Variants in NEB observed in about 807,000 individuals in gnomAD.
NEB encodes nebulin, also known as nemaline myopathy type 2.
In NEB, 512 loss-of-function variants were observed where a neutral mutation model predicts 952.2. That is an observed-to-expected ratio of 0.54 (90% CI 0.50 to 0.58). The LOEUF is 0.58. Among genes scored for constraint, NEB ranks in the 20% least tolerant of loss-of-function variants. The pLI, the probability that NEB is intolerant of heterozygous loss-of-function variation, is 0.00. For missense variants in NEB, 8,428 were observed against 9,231.1 expected (o/e 0.91, Z 3.56); for synonymous variants, 2,900 against 3,149.8 (o/e 0.92, Z 2.66).
At chr2:151,538,490 T>A (rs2093570958) in intron 138 of NEB, among the ~76,000 whole-genome samples, 1 of 152,200 alleles carries the variant, frequency 6.6e-6, no homozygotes, top group Non-Finnish European at 1.5e-5. Flanking sequence ...ATGGCAAATC[T>A]ACGATGGTGA....
intron 130 of NEB, 148 bp from the exon 131 acceptor site, chr2:151,548,563 A>C (rs2094990324): frequency 5.0e-6 from 3 of 599,076 alleles, no homozygotes; most frequent in Non-Finnish European, 8.8e-6. Flanking sequence ...ACAAAATTTC[A>C]ATATTAATCC....
chr2:151,575,778 C>A lies in NEB; in HGVS notation c.16930G>T (p.Asp5644Tyr). The A allele has an allele frequency of 1.2e-6, 2 of 1,606,536 alleles. No homozygotes were observed. Among genetic ancestry groups the A allele is most frequent in the Non-Finnish European group, 1.7e-6 (2 of 1,173,096 alleles). The change falls in exon 107 of 182, where the codon GAC (aspartate) becomes TAC (tyrosine). Residue 5644 changes from aspartate (D) to tyrosine (Y), a missense_variant. Around this residue, in one of 11 missense-constraint regions of NEB, gnomAD observed 3,374 missense variants for 3,651.5 expected, o/e 0.92. Coordinates refer to ENST00000397345, the MANE Select transcript of NEB (RefSeq NM_001164508.2). ...ATGTGTATTGAAGTTTTATCCTTGT[C>A]CCAAACCTCTCTGTACTTTGGCTGT... ...ISIPKYREVW[D>Y]KDKTSIHIMP... is the part of the protein sequence containing the mutation.
intron 138 of NEB, among the ~76,000 whole-genome samples, chr2:151,539,455 C>T (rs10187997): frequency 0.65 from 98,398 of 151,948 alleles, 32,149 homozygotes; most frequent in East Asian, 0.78. Context: ...TCTTTTCTGC[C>T]TCGGGCTTAC....
chr2:151,682,168 AC>A (rs2099418820), intron 29 of NEB, among the ~76,000 whole-genome samples: 4 of 152,208 alleles, frequency 2.6e-5, no homozygotes, highest in Admixed American at 2.6e-4. Flanking sequence ...AACTTTAGAG[AC>A]AGAATGCAAA....
In NEB at chr2:151,658,023, G is replaced by A. The variant is rs2099105332; in HGVS notation, c.6143C>T (p.Pro2048Leu). 6.2e-7 allele frequency: 1 copy of A among 1,611,282 alleles called. No individual in the cohort carries two copies. The highest frequency in any genetic ancestry group is 8.5e-7 in the Non-Finnish European group (1 of 1,178,444). ...TCTGGAAGCCTTGGCAGCTTTGATA[G>A]GAATTGCATCAGGTCTGAGATCATA... is the stretch of plus-strand genomic sequence containing the variant. The part of the protein sequence containing the change: ...KGYDLRPDAI[P>L]IKAAKASRDI... The change falls in exon 48 of 182, where the codon CCT becomes CTT. Residue 2048 changes from proline to leucine, a missense_variant. Pro to Leu is a moderately conservative substitution (Grantham distance 98). Transcript: ENST00000397345.
chr2:151,674,606 A>G lies in NEB; in HGVS notation c.3880-22T>C, dbSNP rs1305487961. On this transcript the variant is annotated intron_variant, in intron 35 of 181. Coordinates refer to ENST00000397345, the MANE Select transcript of NEB (RefSeq NM_001164508.2). The stretch of plus-strand genomic sequence containing the variant: ...AGACCTGGACAGAAAAGCAAACAGA[A>G]TGTCAGCATCTGTAAGTGATTCCTC... The G allele has an allele frequency of 2.0e-6, 3 of 1,521,904 alleles. No individual in the cohort carries two copies. The Admixed American group carries it at 5.0e-5, about 26-fold the overall frequency. 94.3% of individuals were successfully genotyped at this position (1,521,904 alleles called of 1,614,324 possible).
At chr2:151,719,046 A>G (rs1361666017) in intron 9 of NEB, among the ~76,000 whole-genome samples, 2 of 151,622 alleles carry the variant, frequency 1.3e-5, no homozygotes, top group Non-Finnish European at 2.9e-5. Context: ...GCCTTCCCTG[A>G]CTCCTGAGCC....
At chr2:151,490,613 G>A in intron 179 of NEB, 95 bp from the exon 180 acceptor site, 2 of 1,439,418 alleles carry the variant, frequency 1.4e-6, no homozygotes, top group Non-Finnish European at 9.5e-7. Flanking sequence ...TGTTATCTTT[G>A]CCAAGCATGG....
Position 151,490,475 on chromosome 2 carries a change from A to G in NEB, c.25194T>C (p.Ser8398=), listed in dbSNP as rs1295808591. The change falls in exon 180 of 182, where the codon AGT becomes AGC. Residue 8398 remains serine (S), a synonymous_variant. Transcript: ENST00000397345. ...RRSREQSRSA[S]ALSISGGEEK... is the part of the protein sequence containing the mutation. ...CCTCACCCCCACTGATGCTTAGTGC[A>G]CTGGCAGATCGTGACTGCTCCCGGC... 5.0e-6 allele frequency: 8 copies of G among 1,609,064 alleles called. No homozygotes were observed. Among genetic ancestry groups the G allele is most frequent in the Non-Finnish European group, 6.8e-6 (8 of 1,177,920 alleles).
intron 129 of NEB, among the ~76,000 whole-genome samples, chr2:151,550,810 T>C (rs1032079447): frequency 6.6e-6 from 1 of 151,754 alleles, no homozygotes; most frequent in African/African-American, 2.4e-5. Flanking sequence ...GGCTAATTTA[T>C]TTATTTTTGT....
intron 136 of NEB, 129 bp from the exon 137 acceptor site, chr2:151,540,930 C>A: frequency 1.3e-6 from 1 of 778,898 alleles, no homozygotes; most frequent in South Asian, 1.6e-5. Flanking sequence ...TGTTTGTTTG[C>A]TTGTTTTTTT....
At chr2:151,642,309 T>C (rs2098878200) in intron 60 of NEB, among the ~76,000 whole-genome samples, 1 of 152,214 alleles carries the variant, frequency 6.6e-6, no homozygotes, top group East Asian at 1.9e-4. Context: ...AAAAAAATTA[T>C]CTGAACTATA....
intron 161 of NEB, among the ~76,000 whole-genome samples, chr2:151,509,902 C>T (rs759298647): frequency 3.0e-4 from 45 of 152,146 alleles, no homozygotes; most frequent in African/African-American, 2.4e-4. Flanking sequence ...GCCACTGCGC[C>T]CGACCAAGAG....
chr2:151,661,010 G>A (rs949600115), intron 46 of NEB, among the ~76,000 whole-genome samples: 1 of 152,178 alleles, frequency 6.6e-6, no homozygotes, highest in Non-Finnish European at 1.5e-5. Context: ...AATGCTAGTG[G>A]AAAGAGTGGT....
intron 133 of NEB, 28 bp from the exon 134 acceptor site, chr2:151,546,471 G>T: frequency 7.0e-7 from 1 of 1,430,172 alleles, no homozygotes; most frequent in Non-Finnish European, 9.9e-7. Context: ...AAATATAGCT[G>T]GTCATAAGCA....
At position 151,518,301 on chromosome 2, in the gene NEB, G is replaced by A. The variant is rs574757972; in HGVS notation, c.22800+17C>T. 14 of 1,536,564 alleles carry A rather than the reference G, an allele frequency of 9.1e-6. No individual in the cohort carries two copies. The highest frequency in any genetic ancestry group is 4.5e-5 in the South Asian group (4 of 89,382). On this transcript the variant is annotated intron_variant, in intron 156 of 181. Coordinates refer to ENST00000397345, the MANE Select transcript of NEB (RefSeq NM_001164508.2). ...ATGAATGTGCGCCAGAGGAAAAATC[G>A]GTCTTGATCCACTTACTATACTCTG... is the stretch of plus-strand genomic sequence containing the variant.
intron 156 of NEB, among the ~76,000 whole-genome samples, chr2:151,517,638 G>C (rs1048490015): frequency 6.6e-6 from 1 of 152,124 alleles, no homozygotes; most frequent in Non-Finnish European, 1.5e-5. Context: ...TACACACCTA[G>C]GCTATATGGT....
rs753957097 is a variant in NEB, at chr2:151,679,819, T to G, written c.3157A>C (p.Lys1053Gln). 1.9e-6 allele frequency: 3 copies of G among 1,613,668 alleles called. No individual in the cohort carries two copies. In the Admixed American group the frequency reaches 5.0e-5, roughly 27 times the overall value. Residue 1053 changes from lysine (K) to glutamine (Q), a missense_variant, in exon 32 of 182, where the codon AAA becomes CAA. Lys to Gln is a moderately conservative substitution (Grantham distance 53). Coordinates refer to ENST00000397345, the MANE Select transcript of NEB (RefSeq NM_001164508.2). Reference protein sequence around the residue: ...NAYNISENMYKADLKDLSKKG... With the variant: ...NAYNISENMYQADLKDLSKKG... ...TTGCTCAAGTCTTTCAAGTCTGCTTTGTACATATTCTGAAAGAAAAATGTC... is the reference window on the plus strand; with the variant it reads ...TTGCTCAAGTCTTTCAAGTCTGCTTGGTACATATTCTGAAAGAAAAATGTC...
intron 56 of NEB, 129 bp from the exon 57 acceptor site, chr2:151,644,258 A>G (rs1212814317): frequency 6.8e-6 from 9 of 1,330,852 alleles, no homozygotes; most frequent in Admixed American, 2.3e-5. Flanking sequence ...CAGTCTTTTG[A>G]TAAGAAAGAT....
Sources: allele counts gnomAD v4.1 joint callset (sites outside exome capture counted in the v4.1 genomes callset), GRCh38; gene constraint gnomAD v4.1.1; regional missense constraint gnomAD v4.1.1; transcripts MANE v1.5; gene names NCBI Gene and HGNC (gene_info 2026-07-23, HGNC 2026-07-21).